Variants in CYLC2 observed in about 807,000 individuals in gnomAD.
CYLC2 encodes the protein cylicin 2.
A neutral mutation model predicts 26.1 loss-of-function variants in CYLC2; 30 were observed. The ratio of observed to expected loss-of-function variants is 1.15; its 90% CI spans 0.86 to 1.56. CYLC2 has a LOEUF of 1.56. Ranked by LOEUF, CYLC2 falls within the 40% of genes most tolerant of loss-of-function variation. The pLI, the probability that CYLC2 is intolerant of heterozygous loss-of-function variation, is 0.00. For missense variants in CYLC2, 498 were observed against 394.4 expected, an observed-to-expected ratio of 1.26 and a Z score of -2.23; for synonymous variants, 158 against 132.8, an observed-to-expected ratio of 1.19 and a Z score of -1.31.
In CYLC2 at chr9:103,014,385, G is replaced by A. The variant is rs181520322; in HGVS notation, c.*816+2288G>A. On this transcript the variant is annotated intron_variant, in intron 6 of 7. Coordinates refer to ENST00000374798, the MANE Select transcript of CYLC2 (RefSeq NM_001340.5). ...ACATAATATACATTATGTATATTAC[G>A]TAATATAACATAATGTATGTTACGT... 7.6e-3 allele frequency among the ~76,000 whole-genome samples: 949 copies of A among 125,508 alleles called. 7 individuals carry two copies. The highest frequency in any genetic ancestry group is 0.036 in the Middle Eastern group (3 of 84). 82.3% of individuals were successfully genotyped at this position (125,508 alleles called of 152,430 possible). A position where few individuals can be genotyped will look rare whatever the true frequency, so the allele number is the denominator to read the frequency against.
chr9:103,003,039 A>C (rs1392769220), intron 2 of CYLC2, 103 bp from the exon 3 acceptor site: 1 of 1,253,618 alleles, frequency 8.0e-7, no homozygotes, highest in Admixed American at 2.4e-5. Context: ...AATTTGAATC[A>C]CTTGTTTATT....
At chr9:103,015,461 A>T (rs1273001742) in intron 6 of CYLC2, among the ~76,000 whole-genome samples, 1 of 137,764 alleles carries the variant, frequency 7.3e-6, no homozygotes, top group Non-Finnish European at 1.5e-5. Context: ...ATATTATATA[A>T]TTATAATATA....
intron 6 of CYLC2, among the ~76,000 whole-genome samples, chr9:103,016,623 T>C (rs955729084): frequency 1.3e-5 from 2 of 151,942 alleles, no homozygotes; most frequent in African/African-American, 4.8e-5. Context: ...TAATTTCAGG[T>C]TGTTGTTGTA....
At chr9:103,004,553 A>C (rs1019093063) in intron 3 of CYLC2, 142 bp from the exon 4 acceptor site, 1 of 601,094 alleles carries the variant, frequency 1.7e-6, no homozygotes, top group South Asian at 3.0e-5. Context: ...AGCAAAATAA[A>C]GGATGAAATC....
chr9:103,008,265 C>T (rs1055144549), intron 5 of CYLC2, among the ~76,000 whole-genome samples: 2 of 152,030 alleles, frequency 1.3e-5, no homozygotes, highest in Non-Finnish European at 2.9e-5. Context: ...TAATATCCTA[C>T]TGAGGTGCGC....
chr9:102,998,647 C>A (rs888593048), intron 1 of CYLC2, among the ~76,000 whole-genome samples: 2 of 151,876 alleles, frequency 1.3e-5, no homozygotes, highest in South Asian at 4.1e-4. Context: ...ATAAATGATT[C>A]TTACTAAAAA....
Position 103,005,929 on chromosome 9 carries a change from A to T in CYLC2, c.*251A>T. On this transcript the variant is annotated 3_prime_UTR_variant, in exon 5 of 8. Transcript: ENST00000374798. ...AGAATACATATACTTATATTCGGGG[A>T]TATGAAGGATTCAATGAATGATCTC... is the stretch of plus-strand genomic sequence containing the variant. The T allele has an allele frequency of 2.5e-6, 1 of 402,294 alleles. No individual in the cohort carries two copies. The highest frequency in any genetic ancestry group is 2.0e-5 in the African/African-American group (1 of 48,836). The allele number at this position is 402,294 out of a possible 1,614,324, so 24.9% of individuals were successfully genotyped here. A position where few individuals can be genotyped will look rare whatever the true frequency, so the allele number is the denominator to read the frequency against.
chr9:102,997,675 T>G (rs1829251137), intron 1 of CYLC2, among the ~76,000 whole-genome samples: 1 of 151,994 alleles, frequency 6.6e-6, no homozygotes, highest in Non-Finnish European at 1.5e-5. Flanking sequence ...AGGAGGTCTA[T>G]GAACAACTCA....
intron 1 of CYLC2, 25 bp from the exon 2 acceptor site, chr9:103,001,553 A>C: frequency 6.9e-7 from 1 of 1,451,488 alleles, no homozygotes; most frequent in Non-Finnish European, 9.6e-7. Context: ...AAATTAACTA[A>C]AACCTTTCTT....
intron 1 of CYLC2, among the ~76,000 whole-genome samples, chr9:102,997,060 C>G (rs1030312604): frequency 6.6e-5 from 10 of 151,810 alleles, no homozygotes; most frequent in African/African-American, 2.4e-4. Flanking sequence ...TTATGTTTTT[C>G]TCTCTATTGA....
At chr9:102,998,230 A>C (rs765426724) in intron 1 of CYLC2, among the ~76,000 whole-genome samples, 57 of 151,980 alleles carry the variant, frequency 3.8e-4, no homozygotes, top group Non-Finnish European at 8.8e-5. Flanking sequence ...TCCTATTAAA[A>C]AACAACAACA....
intron 6 of CYLC2, among the ~76,000 whole-genome samples, chr9:103,014,341 G>A (rs1221212850): frequency 8.3e-5 from 11 of 132,080 alleles, no homozygotes; most frequent in African/African-American, 2.5e-4. Flanking sequence ...TATATAATAT[G>A]TATATATTAC....
intron 1 of CYLC2, among the ~76,000 whole-genome samples, chr9:103,000,214 A>G (rs1198126780): frequency 6.6e-6 from 1 of 151,842 alleles, no homozygotes. Context: ...GGTTCTTTAA[A>G]AGGAGCTGTT....
chr9:103,013,532 T>C (rs1292305363), intron 6 of CYLC2, among the ~76,000 whole-genome samples: 1 of 112,650 alleles, frequency 8.9e-6, no homozygotes, highest in Non-Finnish European at 1.6e-5. Flanking sequence ...ATATTAAGTA[T>C]ATATTAAATT....
intron 2 of CYLC2, among the ~76,000 whole-genome samples, chr9:103,002,365 T>TCC (rs1829297321): frequency 7.6e-6 from 1 of 131,848 alleles, no homozygotes; most frequent in Non-Finnish European, 1.6e-5. Flanking sequence ...CCCTTTTTTT[T>TCC]TTTTTTTTTT....
chr9:103,013,512 G>A (rs1487427788), intron 6 of CYLC2, among the ~76,000 whole-genome samples: 2 of 107,770 alleles, frequency 1.9e-5, no homozygotes, highest in Non-Finnish European at 3.3e-5. Context: ...ATATTTGTAA[G>A]AAATAAATTA....
At position 103,014,754 on chromosome 9, in the gene CYLC2, ATATG is replaced by A. The variant is rs1564101362; in HGVS notation, c.*817-2131_*817-2128del. ...TACGTATGTATATTATGCAATATAC[ATATG>A]TAATATACGTATGTATATTATGCAA... is the stretch of plus-strand genomic sequence containing the variant. On this transcript the variant is annotated intron_variant, in intron 6 of 7. Coordinates refer to ENST00000374798, the MANE Select transcript of CYLC2 (RefSeq NM_001340.5). Among the ~76,000 whole-genome samples, 243 of 17,624 alleles carry A rather than the reference ATATG, an allele frequency of 0.014. 1 individual carries two copies. The East Asian group carries it at 0.35, about 26-fold the overall frequency. The allele number at this position is 17,624 out of a possible 152,430, so 11.6% of individuals were successfully genotyped here. A position where few individuals can be genotyped will look rare whatever the true frequency, so the allele number is the denominator to read the frequency against.
intron 5 of CYLC2, among the ~76,000 whole-genome samples, chr9:103,009,027 C>A (rs919883358): frequency 2.0e-5 from 3 of 152,138 alleles, no homozygotes; most frequent in African/African-American, 7.2e-5. Flanking sequence ...TTCCTTTTGT[C>A]TACCATGCAC....
At chr9:103,000,900 C>T (rs759519446) in intron 1 of CYLC2, among the ~76,000 whole-genome samples, 2 of 152,056 alleles carry the variant, frequency 1.3e-5, no homozygotes, top group Non-Finnish European at 2.9e-5. Context: ...TAAAACACTC[C>T]TTCGTGGGAA....
Sources: allele counts gnomAD v4.1 joint callset (sites outside exome capture counted in the v4.1 genomes callset), GRCh38; gene constraint gnomAD v4.1.1; transcripts MANE v1.5; gene names NCBI Gene and HGNC (gene_info 2026-07-23, HGNC 2026-07-21).